The following XPO4 variants were observed in gnomAD, a reference collection of about 807,000 sequenced individuals.
XPO4 encodes the protein exportin 4.
In XPO4, 39 loss-of-function variants were observed where a neutral mutation model predicts 143.0. The ratio of observed to expected loss-of-function variants is 0.27; its 90% CI spans 0.21 to 0.36. The LOEUF is 0.36. XPO4 is among the 10% of genes least tolerant of loss of function. The pLI is 1.00. For synonymous variants in XPO4, 439 were observed against 474.0 expected (o/e 0.93, Z 0.96); for missense variants, 907 against 1,348.0 (o/e 0.67, Z 5.12).
intron 9 of XPO4, among the ~76,000 whole-genome samples, chr13:20,810,742 G>A (rs1199530926): frequency 6.6e-6 from 1 of 152,134 alleles, no homozygotes; most frequent in African/African-American, 2.4e-5. Context: ...CCACAAGCAT[G>A]GTACCGGATG....
intron 18 of XPO4, among the ~76,000 whole-genome samples, chr13:20,792,220 C>G (rs2059291495): frequency 6.6e-6 from 1 of 152,028 alleles, no homozygotes; most frequent in South Asian, 2.1e-4. Flanking sequence ...CTGAGGTGGG[C>G]AGATCCCCTG....
chr13:20,894,313 C>G (rs1028972205), intron 1 of XPO4, among the ~76,000 whole-genome samples: 13 of 152,120 alleles, frequency 8.5e-5, no homozygotes, highest in African/African-American at 2.9e-4. Flanking sequence ...TATTAGTTTT[C>G]TATTAGCTCT....
intron 1 of XPO4, among the ~76,000 whole-genome samples, chr13:20,882,960 G>A (rs538987782): frequency 6.6e-6 from 1 of 151,286 alleles, no homozygotes; most frequent in African/African-American, 2.4e-5. Flanking sequence ...AGAGCCCCGA[G>A]AGGCTGACCT....
intron 4 of XPO4, chr13:20,851,272 C>T: frequency 1.0e-6 from 1 of 985,370 alleles, no homozygotes; most frequent in Non-Finnish European, 1.2e-6. Flanking sequence ...TGCATTTAAC[C>T]TGCCATATAG....
At chr13:20,786,874 T>C (rs188287914) in intron 22 of XPO4, 91 bp downstream of exon 22, 5 of 1,012,122 alleles carry the variant, frequency 4.9e-6, no homozygotes, top group East Asian at 5.5e-5. Context: ...ACAGATCCTA[T>C]AAGGGGGGAT....
At chr13:20,815,478 TTATC>T (rs1470712222) in intron 9 of XPO4, among the ~76,000 whole-genome samples, 4 of 152,186 alleles carry the variant, frequency 2.6e-5, no homozygotes, top group Non-Finnish European at 4.4e-5. Context: ...TAAAAAGTCT[TTATC>T]TATATTTATA....
intron 1 of XPO4, among the ~76,000 whole-genome samples, chr13:20,882,005 G>C (rs1369135199): frequency 6.6e-6 from 1 of 151,636 alleles, no homozygotes; most frequent in Non-Finnish European, 1.5e-5. Flanking sequence ...CGCTACTTGG[G>C]AGGCTGAGAC....
chr13:20,884,410 C>T (rs1008227062), intron 1 of XPO4, among the ~76,000 whole-genome samples: 17 of 151,802 alleles, frequency 1.1e-4, no homozygotes, highest in African/African-American at 3.9e-4. Flanking sequence ...CAATCCGATC[C>T]GATCCGATCC....
At chr13:20,901,572 A>G (rs545024588) in intron 1 of XPO4, among the ~76,000 whole-genome samples, 2 of 152,370 alleles carry the variant, frequency 1.3e-5, no homozygotes, top group Non-Finnish European at 2.9e-5. Flanking sequence ...TTAAGTTAAT[A>G]TTCATAATGA....
chr13:20,791,053 G>A (rs577709041), intron 18 of XPO4, among the ~76,000 whole-genome samples: 2 of 151,866 alleles, frequency 1.3e-5, no homozygotes, highest in Admixed American at 1.3e-4. Flanking sequence ...AAAAAAGAAA[G>A]TAGTTTAAAA....
chr13:20,848,280 C>G (rs1455476781), intron 4 of XPO4: 5 of 985,038 alleles, frequency 5.1e-6, no homozygotes, highest in Non-Finnish European at 6.0e-6. Context: ...TTTCAGGAGT[C>G]CAATACAAGA....
Position 20,796,982 on chromosome 13 carries a change from C to G in XPO4, c.2398G>C (p.Glu800Gln), listed in dbSNP as rs267603773. The change falls in exon 17 of 23, where the codon GAA becomes CAA. Residue 800 changes from glutamate to glutamine, a missense_variant. By Grantham distance (29) the Glu-to-Gln change is conservative. Transcript: ENST00000255305. ...GTGGCAGTGATTTCCTGCTTGACTTCCTCTTGCTGACACATCTGCTGGAAG... is the reference window on the plus strand; with the variant it reads ...GTGGCAGTGATTTCCTGCTTGACTTGCTCTTGCTGACACATCTGCTGGAAG... ...ENFQQMCQQE[E>Q]VKQEITATLE... 4.3e-6 allele frequency: 7 copies of G among 1,613,600 alleles called. No individual in the cohort carries two copies. In the African/African-American group the frequency reaches 9.3e-5, roughly 22 times the overall value.
At chr13:20,851,234 C>G in intron 4 of XPO4, 1 of 985,386 alleles carries the variant, frequency 1.0e-6, no homozygotes, top group Non-Finnish European at 1.2e-6. Flanking sequence ...TTTCAAGCTA[C>G]TGGGCAAGGA....
At chr13:20,849,713 T>C in intron 4 of XPO4, 1 of 984,508 alleles carries the variant, frequency 1.0e-6, no homozygotes, top group African/African-American at 1.7e-5. Flanking sequence ...TTAGATATAA[T>C]CTTTCCATAA....
Position 20,822,277 on chromosome 13 carries a change from T to C in XPO4, c.853A>G (p.Ile285Val). 1 of 1,612,236 alleles carries C rather than the reference T, an allele frequency of 6.2e-7. No homozygotes were observed. Among genetic ancestry groups the C allele is most frequent in the Non-Finnish European group, 8.5e-7 (1 of 1,179,162 alleles). Residue 285 changes from isoleucine (I) to valine (V), a missense_variant, in exon 8 of 23, where the codon ATC becomes GTC. Ile to Val is a conservative substitution (Grantham distance 29). Transcript: ENST00000255305. ...MELFFTVHRK[I>V]REDSDMAQDS... ...TGTGCCATATCTGAATCTTCTCTGATTTTTCGATGTACCTGTTAGAAAGAA... is the reference window on the plus strand; with the variant it reads ...TGTGCCATATCTGAATCTTCTCTGACTTTTCGATGTACCTGTTAGAAAGAA...
chr13:20,801,195 G>C (rs1486163941), intron 13 of XPO4, among the ~76,000 whole-genome samples: 1 of 152,184 alleles, frequency 6.6e-6, no homozygotes, highest in East Asian at 1.9e-4. Flanking sequence ...ATAAGGAAAG[G>C]AAGAGTCAAC....
At chr13:20,854,259 A>G (rs1246201831) in intron 4 of XPO4, among the ~76,000 whole-genome samples, 6 of 152,174 alleles carry the variant, frequency 3.9e-5, no homozygotes, top group Non-Finnish European at 8.8e-5. Flanking sequence ...CTGCGGTCCT[A>G]AGCAGAGTGG....
At position 20,828,130 on chromosome 13, in the gene XPO4, G is replaced by C. The variant is rs1427364183; in HGVS notation, c.728-951C>G. Among the ~76,000 whole-genome samples, 5 of 152,082 alleles carry C rather than the reference G, an allele frequency of 3.3e-5. No homozygotes were observed. In the East Asian group the frequency reaches 9.7e-4, roughly 29 times the overall value. On this transcript the variant is annotated intron_variant, in intron 6 of 22. Coordinates refer to ENST00000255305, the MANE Select transcript of XPO4 (RefSeq NM_022459.5). ...CAGGCACCTGTAATCCCAGCTATTT[G>C]GGAGGCTGAGGCGGGAGAGTCGCTT...
rs1344486004 is a variant in XPO4, at chr13:20,822,219, G to T, written c.911C>A (p.Ser304Tyr). The T allele has an allele frequency of 6.2e-7, 1 of 1,613,906 alleles. No homozygotes were observed. Among genetic ancestry groups the T allele is most frequent in the Non-Finnish European group, 8.5e-7 (1 of 1,179,924 alleles). The change falls in exon 8 of 23, where the codon TCT becomes TAT. Residue 304 changes from serine to tyrosine, a missense_variant. Transcript: ENST00000255305. The stretch of plus-strand genomic sequence containing the variant: ...ATCTGGGAAGATGGGTCCATGAAGA[G>T]AAGCTAACTGGGCAAGGCACTGCAG... Reference protein sequence around the residue: ...DSLQCLAQLASLHGPIFPDEG... With the variant: ...DSLQCLAQLAYLHGPIFPDEG...
Sources: allele counts gnomAD v4.1 joint callset (sites outside exome capture counted in the v4.1 genomes callset), GRCh38; gene constraint gnomAD v4.1.1; transcripts MANE v1.5; gene names NCBI Gene and HGNC (gene_info 2026-07-23, HGNC 2026-07-21).